The following COA1 variants were observed in gnomAD, a reference collection of about 807,000 sequenced individuals.
The protein encoded by COA1 is cytochrome c oxidase assembly factor 1 homolog.
A neutral mutation model predicts 16.0 loss-of-function variants in COA1; 13 were observed. That is an observed-to-expected ratio of 0.81 (90% CI 0.53 to 1.29). The LOEUF is 1.29. Ranked by LOEUF, COA1 falls within the 50% of genes most tolerant of loss-of-function variation. The pLI, the probability that COA1 is intolerant of heterozygous loss-of-function variation, is 0.00. For missense variants in COA1, 179 were observed against 177.0 expected (o/e 1.01, Z -0.06); for synonymous variants, 65 against 65.7 (o/e 0.99, Z 0.05).
chr7:43,653,846 T>G (rs1330163154), intron 1 of COA1, among the ~76,000 whole-genome samples: 1 of 152,108 alleles, frequency 6.6e-6, no homozygotes, highest in Non-Finnish European at 1.5e-5. Context: ...GAAGGATTAA[T>G]GATTTTTTTT....
chr7:43,636,154 A>G (rs188350211), downstream of COA1, among the ~76,000 whole-genome samples: 73 of 152,286 alleles, frequency 4.8e-4, 3 homozygotes, highest in East Asian at 0.01. Context: ...TTCATTTCCT[A>G]CTTTTCTGCC....
chr7:43,693,978 T>C (rs2094452335), intron 1 of COA1, among the ~76,000 whole-genome samples: 1 of 151,946 alleles, frequency 6.6e-6, no homozygotes, highest in Non-Finnish European at 1.5e-5. Context: ...ACAGCTCCTC[T>C]GCTTTCCTCA....
chr7:43,725,209 G>A (rs1387907246), intron 1 of COA1, among the ~76,000 whole-genome samples: 1 of 150,950 alleles, frequency 6.6e-6, no homozygotes, highest in Non-Finnish European at 1.5e-5. Flanking sequence ...CTGCACTCCA[G>A]CCAGGGCAAC....
intron 6 of COA1, among the ~76,000 whole-genome samples, chr7:43,618,376 G>C (rs1247723704): frequency 6.6e-6 from 1 of 152,178 alleles, no homozygotes; most frequent in Non-Finnish European, 1.5e-5. Flanking sequence ...GTGTGTAAAG[G>C]CATGAGATGT....
chr7:43,660,056 T>G (rs1358622777), intron 1 of COA1, among the ~76,000 whole-genome samples: 1 of 152,174 alleles, frequency 6.6e-6, no homozygotes, highest in East Asian at 1.9e-4. Context: ...AACACCTTCA[T>G]CTTCAACTTC....
chr7:43,678,373 A>T (rs890006909), intron 1 of COA1, among the ~76,000 whole-genome samples: 1 of 152,194 alleles, frequency 6.6e-6, no homozygotes, highest in Non-Finnish European at 1.5e-5. Flanking sequence ...AAAGTATAAC[A>T]CTCTTAGAAG....
At chr7:43,698,885 C>T (rs148490958) in intron 1 of COA1, among the ~76,000 whole-genome samples, 179 of 152,280 alleles carry the variant, frequency 1.2e-3, no homozygotes, top group African/African-American at 4.2e-3. Context: ...ACAAATTATC[C>T]ATCTGCATAA....
chr7:43,639,829 A>G (rs1321846942), intron 5 of COA1, 148 bp from the exon 6 acceptor site: 3 of 589,462 alleles, frequency 5.1e-6, no homozygotes, highest in East Asian at 3.0e-5. Context: ...TGTCAACACA[A>G]TTTTTAACAT....
At chr7:43,686,089 G>A (rs907693615) in intron 1 of COA1, among the ~76,000 whole-genome samples, 1 of 152,108 alleles carries the variant, frequency 6.6e-6, no homozygotes, top group Non-Finnish European at 1.5e-5. Context: ...GGAAATACTG[G>A]TTTAGTAATA....
intron 6 of COA1, among the ~76,000 whole-genome samples, chr7:43,614,613 G>A (rs1272047726): frequency 6.6e-6 from 1 of 152,144 alleles, no homozygotes; most frequent in Non-Finnish European, 1.5e-5. Context: ...TCAAAATTGG[G>A]CACAGTTAGT....
intron 1 of COA1, among the ~76,000 whole-genome samples, chr7:43,672,363 A>G (rs1160556915): frequency 6.6e-6 from 1 of 152,234 alleles, no homozygotes; most frequent in Non-Finnish European, 1.5e-5. Context: ...GGTTGGTTCA[A>G]TATATGCAAA....
intron 1 of COA1, among the ~76,000 whole-genome samples, chr7:43,711,120 A>C (rs1468098417): frequency 1.3e-5 from 2 of 152,112 alleles, no homozygotes; most frequent in African/African-American, 4.8e-5. Context: ...TGACAGCAGA[A>C]ATCTTGTGGT....
At chr7:43,693,032 G>A (rs755496484) in intron 1 of COA1, among the ~76,000 whole-genome samples, 2 of 152,152 alleles carry the variant, frequency 1.3e-5, no homozygotes, top group East Asian at 1.9e-4. Flanking sequence ...GAAATGGTAC[G>A]TTTACAAGCC....
At chr7:43,664,158 G>A (rs2092716763) in intron 1 of COA1, among the ~76,000 whole-genome samples, 1 of 125,274 alleles carries the variant, frequency 8.0e-6, no homozygotes. Context: ...AGGCTGGATT[G>A]TAATAGCTAT....
At chr7:43,715,032 A>G (rs972253449) in intron 1 of COA1, among the ~76,000 whole-genome samples, 2 of 142,232 alleles carry the variant, frequency 1.4e-5, no homozygotes, top group Admixed American at 1.4e-4. Context: ...AAAAAAAAAA[A>G]GGAAACATTT....
chr7:43,644,823 G>GAC (rs1437679042), intron 4 of COA1, among the ~76,000 whole-genome samples: 4 of 151,044 alleles, frequency 2.6e-5, no homozygotes, highest in African/African-American at 9.7e-5. Flanking sequence ...GAGAGAGAGA[G>GAC]AGAGAGAGAG....
chr7:43,626,879 CAT>C (rs2084608315), intron 6 of COA1: 2 of 152,116 alleles, frequency 1.3e-5, no homozygotes, highest in Admixed American at 1.3e-4. Flanking sequence ...AATACTGAGT[CAT>C]AGGGTGCTTT....
chr7:43,647,912 C>G (rs368669269), intron 2 of COA1: 1 of 410,574 alleles, frequency 2.4e-6, no homozygotes, highest in African/African-American at 2.0e-5. Context: ...GAGCATTCAG[C>G]CCACCATCCT....
chr7:43,623,866 A>T (rs553652334), intron 6 of COA1: 1 of 1,569,224 alleles, frequency 6.4e-7, no homozygotes, highest in African/African-American at 1.4e-5. Context: ...TTTCATCAGG[A>T]CACTTTTAGT....
Sources: allele counts gnomAD v4.1 joint callset (sites outside exome capture counted in the v4.1 genomes callset), GRCh38; gene constraint gnomAD v4.1.1; transcripts MANE v1.5; gene names NCBI Gene and HGNC (gene_info 2026-07-23, HGNC 2026-07-21).